The following ZNF804B variants were observed in gnomAD, a reference collection of about 807,000 sequenced individuals.
ZNF804B encodes the protein zinc finger 804B.
ZNF804B carries 80 observed loss-of-function variants against 101.4 expected under a neutral mutation model. The observed-to-expected ratio is 0.79, with a 90% confidence interval of 0.66 to 0.95. The LOEUF (loss-of-function observed/expected upper bound fraction) is 0.95. Among genes scored for constraint, ZNF804B ranks in the 40% least tolerant of loss-of-function variants. The pLI is 0.00. For missense variants in ZNF804B, 1,673 were observed against 1,561.9 expected (o/e 1.07, Z -1.20); for synonymous variants, 622 against 558.8 (o/e 1.11, Z -1.59).
rs1053493588 is a variant in ZNF804B, at chr7:89,079,327, T to G, written c.109-138828T>G. On this transcript the variant is annotated intron_variant, in intron 1 of 3. Transcript: ENST00000333190. ...AAATGTTTTTTATTTTGACATTTCC[T>G]TTGCAGTTCTATGTTTAGCAAGTAA... is the stretch of plus-strand genomic sequence containing the variant. Among the ~76,000 whole-genome samples the G allele has an allele frequency of 3.3e-5, 5 of 152,106 alleles. No homozygotes were observed. The East Asian group carries it at 9.6e-4, about 29-fold the overall frequency.
At chr7:88,854,038 A>G (rs1410061592) in intron 1 of ZNF804B, among the ~76,000 whole-genome samples, 1 of 152,164 alleles carries the variant, frequency 6.6e-6, no homozygotes, top group Non-Finnish European at 1.5e-5. Flanking sequence ...GCGTTTTTCA[A>G]CTATTTTTAA....
At chr7:88,765,525 C>G (rs1424787397) in intron 1 of ZNF804B, among the ~76,000 whole-genome samples, 1 of 151,998 alleles carries the variant, frequency 6.6e-6, no homozygotes, top group African/African-American at 2.4e-5. Flanking sequence ...TAATATATAT[C>G]TCAAATAACT....
Position 88,882,570 on chromosome 7 carries a change from C to G in ZNF804B, c.108+122486C>G, listed in dbSNP as rs1189483215. Among the ~76,000 whole-genome samples, 3 of 152,236 alleles carry G rather than the reference C, an allele frequency of 2.0e-5. 1 individual carries two copies. The highest frequency in any genetic ancestry group is 6.5e-5 in the Admixed American group (1 of 15,272). On this transcript the variant is annotated intron_variant, in intron 1 of 3. Transcript: ENST00000333190. ...TTGTTCTACGAAGAAACAACATGCA[C>G]TTGTATGTTGGTTGCAGTACTATTC... is the stretch of plus-strand genomic sequence containing the variant.
At chr7:89,199,290 A>C (rs1788597469) in intron 1 of ZNF804B, among the ~76,000 whole-genome samples, 1 of 151,812 alleles carries the variant, frequency 6.6e-6, no homozygotes, top group Non-Finnish European at 1.5e-5. Context: ...GGCAATCCTC[A>C]AAACTCCTGC....
chr7:89,270,677 A>C (rs1789878903), intron 2 of ZNF804B, among the ~76,000 whole-genome samples: 1 of 152,108 alleles, frequency 6.6e-6, no homozygotes, highest in South Asian at 2.1e-4. Flanking sequence ...TTTTCATGAT[A>C]TTGATTCTTC....
chr7:89,176,592 T>TC (rs200354194), intron 1 of ZNF804B, among the ~76,000 whole-genome samples: 976 of 89,352 alleles, frequency 0.011, 25 homozygotes, highest in African/African-American at 0.04. Context: ...TCTTTCTTTC[T>TC]TTTTTTTTTT....
At chr7:88,848,350 A>C (rs17653283) in intron 1 of ZNF804B, among the ~76,000 whole-genome samples, 1 of 152,150 alleles carries the variant, frequency 6.6e-6, no homozygotes, top group African/African-American at 2.4e-5. Flanking sequence ...TCAGGAACAA[A>C]TGAGTAGCAT....
chr7:89,040,833 C>G (rs576644911), intron 1 of ZNF804B, among the ~76,000 whole-genome samples: 6 of 152,294 alleles, frequency 3.9e-5, no homozygotes, highest in Admixed American at 1.3e-4. Context: ...TCTGTGTGTG[C>G]CAGCCTGGTG....
intron 1 of ZNF804B, among the ~76,000 whole-genome samples, chr7:89,189,105 A>G (rs1788417589): frequency 6.6e-6 from 1 of 152,168 alleles, no homozygotes; most frequent in Non-Finnish European, 1.5e-5. Flanking sequence ...TGAAGCCAGC[A>G]TTCATTTACC....
intron 1 of ZNF804B, among the ~76,000 whole-genome samples, chr7:88,777,854 A>AAG (rs1475468504): frequency 4.0e-5 from 6 of 151,522 alleles, no homozygotes; most frequent in Non-Finnish European, 8.8e-5. Flanking sequence ...TCTAAAAAAA[A>AAG]AAAAAAAAAA....
intron 1 of ZNF804B, among the ~76,000 whole-genome samples, chr7:88,902,082 T>C (rs1792399913): frequency 6.6e-6 from 1 of 151,958 alleles, no homozygotes; most frequent in Admixed American, 6.6e-5. Context: ...ACATTCATCA[T>C]TCTTTTGATT....
At chr7:89,101,566 C>T (rs1790056036) in intron 1 of ZNF804B, among the ~76,000 whole-genome samples, 1 of 151,630 alleles carries the variant, frequency 6.6e-6, no homozygotes, top group South Asian at 2.1e-4. Flanking sequence ...TTTCTCACAA[C>T]CTAAAAAGCA....
intron 1 of ZNF804B, among the ~76,000 whole-genome samples, chr7:88,928,682 A>G (rs910179887): frequency 1.3e-5 from 2 of 152,156 alleles, no homozygotes; most frequent in African/African-American, 2.4e-5. Flanking sequence ...CTGCCCTTCA[A>G]ATTAAAATTG....
At chr7:88,790,772 A>C (rs1338007552) in intron 1 of ZNF804B, among the ~76,000 whole-genome samples, 1 of 152,064 alleles carries the variant, frequency 6.6e-6, no homozygotes, top group Non-Finnish European at 1.5e-5. Flanking sequence ...ATGTATCTGC[A>C]TTCTATTATA....
At chr7:89,326,035 C>A (rs373027576) in intron 2 of ZNF804B, among the ~76,000 whole-genome samples, 5 of 151,986 alleles carry the variant, frequency 3.3e-5, no homozygotes, top group Admixed American at 1.3e-4. Context: ...AGGCTATCCA[C>A]GCTTTAATGC....
chr7:89,082,884 C>G (rs901063453), intron 1 of ZNF804B, among the ~76,000 whole-genome samples: 1 of 151,524 alleles, frequency 6.6e-6, no homozygotes, highest in Non-Finnish European at 1.5e-5. Context: ...TTTTGTTTTT[C>G]TACTATATTA....
chr7:89,278,731 C>A (rs953506426), intron 2 of ZNF804B, among the ~76,000 whole-genome samples: 1 of 149,494 alleles, frequency 6.7e-6, no homozygotes, highest in Non-Finnish European at 1.5e-5. Context: ...GGTACCAGTA[C>A]CATGCTGTTT....
intron 1 of ZNF804B, among the ~76,000 whole-genome samples, chr7:88,945,618 T>A (rs1039428412): frequency 3.7e-5 from 5 of 133,470 alleles, no homozygotes; most frequent in Admixed American, 3.6e-4. Context: ...TTTTTCTAAT[T>A]CTGTGAAGAA....
chr7:88,985,516 C>A (rs773145750), intron 1 of ZNF804B, among the ~76,000 whole-genome samples: 4 of 151,976 alleles, frequency 2.6e-5, no homozygotes, highest in Non-Finnish European at 5.9e-5. Context: ...TCTCATGATT[C>A]CCTCTCCTTT....
Sources: allele counts gnomAD v4.1 joint callset (sites outside exome capture counted in the v4.1 genomes callset), GRCh38; gene constraint gnomAD v4.1.1; transcripts MANE v1.5; gene names NCBI Gene and HGNC (gene_info 2026-07-23, HGNC 2026-07-21).